KCNIP4: variants seen among roughly 807,000 people sequenced by gnomAD.
The protein encoded by KCNIP4 is potassium voltage-gated channel interacting protein 4.
Under a neutral mutation model 34.0 loss-of-function variants are expected in KCNIP4, and 12 were observed. That is an observed-to-expected ratio of 0.35 (90% CI 0.23 to 0.57). The LOEUF (loss-of-function observed/expected upper bound fraction) is 0.57. KCNIP4 is among the 20% of genes least tolerant of loss of function. The pLI, the probability that KCNIP4 is intolerant of heterozygous loss-of-function variation, is 0.83. For synonymous variants in KCNIP4, 124 were observed against 102.2 expected (o/e 1.21, Z -1.29); for missense variants, 238 against 311.7 (o/e 0.76, Z 1.78).
intron 1 of KCNIP4, among the ~76,000 whole-genome samples, chr4:21,930,184 C>T (rs1053142318): frequency 4.6e-5 from 7 of 152,084 alleles, no homozygotes; most frequent in Non-Finnish European, 1.0e-4. Flanking sequence ...TCAAGGATTC[C>T]GCTGAAGATT....
chr4:21,154,773 C>T (rs1030319365), intron 1 of KCNIP4, among the ~76,000 whole-genome samples: 9 of 152,182 alleles, frequency 5.9e-5, no homozygotes, highest in African/African-American at 2.2e-4. Context: ...GGAACTCCTT[C>T]AGCTGAGAGT....
At chr4:21,539,200 C>G (rs531412311) in intron 1 of KCNIP4, among the ~76,000 whole-genome samples, 1 of 152,120 alleles carries the variant, frequency 6.6e-6, no homozygotes, top group African/African-American at 2.4e-5. Flanking sequence ...TTCTTTATAA[C>G]GTGTGAAAAT....
At chr4:21,014,507 G>T (rs150961182) in intron 1 of KCNIP4, among the ~76,000 whole-genome samples, 1,935 of 152,256 alleles carry the variant, frequency 0.013, 33 homozygotes, top group South Asian at 0.045. Flanking sequence ...ATCACTTAAA[G>T]AATAACATTC....
intron 1 of KCNIP4, among the ~76,000 whole-genome samples, chr4:21,402,267 A>T (rs1433411634): frequency 6.6e-6 from 1 of 152,234 alleles, no homozygotes; most frequent in African/African-American, 2.4e-5. Flanking sequence ...TTATTCAAAA[A>T]TGATAATACA....
At chr4:20,824,543 G>A (rs573694247) in intron 3 of KCNIP4, among the ~76,000 whole-genome samples, 4 of 152,176 alleles carry the variant, frequency 2.6e-5, no homozygotes, top group Non-Finnish European at 5.9e-5. Flanking sequence ...AGCCGGGCGT[G>A]GTGGCATGTG....
intron 1 of KCNIP4, among the ~76,000 whole-genome samples, chr4:21,348,541 C>G (rs895488672): frequency 6.6e-6 from 1 of 152,132 alleles, no homozygotes; most frequent in Non-Finnish European, 1.5e-5. Flanking sequence ...ACATAACAGT[C>G]TCCCCCTGAA....
intron 1 of KCNIP4, among the ~76,000 whole-genome samples, chr4:21,587,978 T>C (rs766915841): frequency 1.3e-5 from 2 of 152,044 alleles, no homozygotes; most frequent in African/African-American, 4.8e-5. Context: ...GTTTAACTAA[T>C]AAAATGTTCC....
At chr4:20,986,248 C>T (rs1156524680) in intron 1 of KCNIP4, among the ~76,000 whole-genome samples, 1 of 152,124 alleles carries the variant, frequency 6.6e-6, no homozygotes, top group Non-Finnish European at 1.5e-5. Flanking sequence ...GTTTCTTTCC[C>T]TTGAGTCCTA....
chr4:21,381,711 G>C (rs1387301181), intron 1 of KCNIP4, among the ~76,000 whole-genome samples: 1 of 152,102 alleles, frequency 6.6e-6, no homozygotes, highest in Non-Finnish European at 1.5e-5. Flanking sequence ...CATGTCAGTG[G>C]GTGCAATGGA....
chr4:21,239,923 A>T (rs1297127948), intron 1 of KCNIP4, among the ~76,000 whole-genome samples: 1 of 152,154 alleles, frequency 6.6e-6, no homozygotes, highest in African/African-American at 2.4e-5. Context: ...ACACATGCAC[A>T]TGTATGTTTA....
chr4:21,795,517 T>G (rs1296012329), intron 1 of KCNIP4, among the ~76,000 whole-genome samples: 1 of 152,070 alleles, frequency 6.6e-6, no homozygotes, highest in Non-Finnish European at 1.5e-5. Context: ...ACGGAAAAAT[T>G]TTAAAACAAA....
intron 1 of KCNIP4, among the ~76,000 whole-genome samples, chr4:21,654,152 C>T (rs1377225784): frequency 6.6e-6 from 1 of 152,174 alleles, no homozygotes; most frequent in Non-Finnish European, 1.5e-5. Flanking sequence ...ACTTTCTGCT[C>T]ATTCACACAA....
At chr4:21,814,958 T>A (rs1721902538) in intron 1 of KCNIP4, among the ~76,000 whole-genome samples, 1 of 152,158 alleles carries the variant, frequency 6.6e-6, no homozygotes, top group Non-Finnish European at 1.5e-5. Flanking sequence ...TTTGGCAACA[T>A]CACATCCTCC....
At chr4:21,474,164 T>G (rs1253198107) in intron 1 of KCNIP4, among the ~76,000 whole-genome samples, 1 of 152,216 alleles carries the variant, frequency 6.6e-6, no homozygotes, top group African/African-American at 2.4e-5. Context: ...AAATATCACC[T>G]TTATTTTCTT....
chr4:21,219,571 G>A (rs1172901920), intron 1 of KCNIP4, among the ~76,000 whole-genome samples: 1 of 152,140 alleles, frequency 6.6e-6, no homozygotes, highest in Non-Finnish European at 1.5e-5. Context: ...ACAAATCCTT[G>A]CCAATTATAC....
chr4:21,592,436 GTT>G (rs1339514584), intron 1 of KCNIP4, among the ~76,000 whole-genome samples: 1 of 152,018 alleles, frequency 6.6e-6, no homozygotes, highest in Non-Finnish European at 1.5e-5. Context: ...ATTCTCACAA[GTT>G]TTCTTAGACA....
chr4:21,418,304 C>T (rs1308870385), intron 1 of KCNIP4, among the ~76,000 whole-genome samples: 3 of 152,076 alleles, frequency 2.0e-5, no homozygotes, highest in African/African-American at 7.2e-5. Context: ...CCAGATCTCC[C>T]TGTGCATATA....
intron 1 of KCNIP4, among the ~76,000 whole-genome samples, chr4:21,807,077 C>A (rs1162421118): frequency 1.3e-5 from 2 of 152,026 alleles, no homozygotes; most frequent in African/African-American, 4.8e-5. Flanking sequence ...GCATTAGATT[C>A]TCATAAGGAG....
intron 1 of KCNIP4, among the ~76,000 whole-genome samples, chr4:21,181,008 G>T (rs1287080286): frequency 4.6e-5 from 7 of 152,076 alleles, no homozygotes; most frequent in Non-Finnish European, 5.9e-5. Flanking sequence ...CAACATTCTT[G>T]CTAACTTTAG....
Sources: allele counts gnomAD v4.1 joint callset (sites outside exome capture counted in the v4.1 genomes callset), GRCh38; gene constraint gnomAD v4.1.1; transcripts MANE v1.5; gene names NCBI Gene and HGNC (gene_info 2026-07-23, HGNC 2026-07-21).